RIMBP2: variants seen among roughly 807,000 people sequenced by gnomAD.
RIMBP2 encodes the protein RIMS binding protein 2.
RIMBP2 carries 48 observed loss-of-function variants against 118.6 expected under a neutral mutation model. The observed-to-expected ratio is 0.40, with a 90% CI of 0.32 to 0.51. The LOEUF is 0.51. RIMBP2 is among the 20% of genes least tolerant of loss of function. The probability of loss-of-function intolerance (pLI) is 0.41; values close to 1 mark genes in which losing one functional copy is unlikely to be tolerated. For synonymous variants in RIMBP2, 762 were observed against 742.9 expected, an observed-to-expected ratio of 1.03 and a Z score of -0.42; for missense variants, 1,551 against 1,768.3, an observed-to-expected ratio of 0.88 and a Z score of 2.20.
chr12:130,587,234 C>T (rs1276987587), intron 2 of RIMBP2, among the ~76,000 whole-genome samples: 2 of 141,238 alleles, frequency 1.4e-5, no homozygotes, highest in Admixed American at 7.1e-5. Flanking sequence ...GTTGGTGGGA[C>T]TGTAAACTAG....
At chr12:130,423,691 C>CCT (rs2076570410) in intron 16 of RIMBP2, among the ~76,000 whole-genome samples, 1 of 99,040 alleles carries the variant, frequency 1.0e-5, no homozygotes, top group Admixed American at 1.1e-4. Flanking sequence ...TTTCTTCAAT[C>CCT]TTTTTTTTTT....
chr12:130,494,377 A>G (rs4759481), intron 4 of RIMBP2, among the ~76,000 whole-genome samples: 150,342 of 152,258 alleles, frequency 0.99, 74,256 homozygotes, highest in East Asian at 1. Context: ...AGTGGCTCAT[A>G]CCTGTAATCC....
intron 2 of RIMBP2, among the ~76,000 whole-genome samples, chr12:130,604,875 C>T (rs2060094899): frequency 6.6e-6 from 1 of 151,438 alleles, no homozygotes; most frequent in South Asian, 2.1e-4. Context: ...AGCCACCGCG[C>T]CCGGCCTCTT....
chr12:130,559,906 C>T (rs886259341), intron 2 of RIMBP2, among the ~76,000 whole-genome samples: 6 of 152,222 alleles, frequency 3.9e-5, no homozygotes, highest in Non-Finnish European at 5.9e-5. Context: ...ACGGTAACAC[C>T]TGCCTCGAAG....
intron 5 of RIMBP2, among the ~76,000 whole-genome samples, chr12:130,472,594 G>A (rs2081099395): frequency 6.6e-6 from 1 of 152,222 alleles, no homozygotes; most frequent in Non-Finnish European, 1.5e-5. Context: ...ATTTCCTCTA[G>A]CTGCCTGGAG....
chr12:130,631,279 G>A (rs1409842360), intron 1 of RIMBP2, among the ~76,000 whole-genome samples: 2 of 152,286 alleles, frequency 1.3e-5, no homozygotes, highest in Admixed American at 1.3e-4. Flanking sequence ...TCACTAATTG[G>A]TGCTACCATT....
intron 2 of RIMBP2, among the ~76,000 whole-genome samples, chr12:130,550,062 G>C (rs539286255): frequency 1.3e-5 from 2 of 152,290 alleles, no homozygotes; most frequent in African/African-American, 4.8e-5. Flanking sequence ...ACAGGTGCGA[G>C]ATTGTATCTC....
At chr12:130,473,259 G>C (rs540495346) in intron 5 of RIMBP2, among the ~76,000 whole-genome samples, 1 of 152,330 alleles carries the variant, frequency 6.6e-6, no homozygotes, top group Admixed American at 6.5e-5. Context: ...CTTAAGCGAG[G>C]CTCATTTAGG....
chr12:130,434,804 T>C lies in RIMBP2; in HGVS notation c.2183A>G (p.Asp728Gly), dbSNP rs776241219. ...GCCCCTCCTCTTGAAGTCTGGAGAG[T>C]CATAGGCGTCCTCCTCGTCTGAGGC... ...YAASDEEDAYDSPDFKRRGAS... is the reference protein window; with the variant it reads ...YAASDEEDAYGSPDFKRRGAS... The change falls in exon 14 of 23, where the codon GAC (aspartate) becomes GGC (glycine). Residue 728 changes from aspartate (D) to glycine (G), a missense_variant. Asp to Gly is a moderately conservative substitution (Grantham distance 94). Around this residue, in one of 5 missense-constraint regions of RIMBP2, gnomAD observed 1,038 missense variants for 1,125.1 expected, o/e 0.92. Coordinates refer to ENST00000690449, the MANE Select transcript of RIMBP2 (RefSeq NM_001393629.1). The surrounding 1 kb of genome is among the most constrained non-coding windows in gnomAD (Gnocchi z 5.7). 18 of 1,613,322 alleles carry C rather than the reference T, an allele frequency of 1.1e-5. No individual in the cohort carries two copies. The highest frequency in any genetic ancestry group is 1.7e-5 in the Admixed American group (1 of 59,940).
chr12:130,442,867 C>T lies in RIMBP2; in HGVS notation c.692-207G>A, dbSNP rs553107984. Among the ~76,000 whole-genome samples the T allele has an allele frequency of 6.6e-6, 1 of 152,276 alleles. No individual in the cohort carries two copies. Among genetic ancestry groups the T allele is most frequent in the East Asian group, 1.9e-4 (1 of 5,182 alleles). ...AGCTCCTCCATCCCCGTGGCCCAGT[C>T]TTCTTTTCTCCATGATACTTATCGC... is the stretch of plus-strand genomic sequence containing the variant. On this transcript the variant is annotated intron_variant, in intron 10 of 22. Transcript: ENST00000690449. The surrounding 1 kb of genome is among the most constrained non-coding windows in gnomAD (Gnocchi z 6.9).
At chr12:130,567,681 G>C (rs1216509621) in intron 2 of RIMBP2, among the ~76,000 whole-genome samples, 1 of 152,172 alleles carries the variant, frequency 6.6e-6, no homozygotes, top group Admixed American at 6.5e-5. Flanking sequence ...ATCCCCCTGG[G>C]CATAGCAGCC....
At chr12:130,591,332 C>T (rs529877350) in intron 2 of RIMBP2, among the ~76,000 whole-genome samples, 7 of 152,116 alleles carry the variant, frequency 4.6e-5, no homozygotes, top group Non-Finnish European at 8.8e-5. Flanking sequence ...ACTTTGCCAT[C>T]GAGAGCAAAC....
chr12:130,651,365 G>A (rs2063224649), intron 1 of RIMBP2: 1 of 152,346 alleles, frequency 6.6e-6, no homozygotes, highest in African/African-American at 2.4e-5. Context: ...GCAGGGCGAT[G>A]GCGTTGAGGA....
intron 1 of RIMBP2, among the ~76,000 whole-genome samples, chr12:130,634,234 G>A (rs982827856): frequency 6.6e-6 from 1 of 152,184 alleles, no homozygotes; most frequent in African/African-American, 2.4e-5. Context: ...CCTTGGGAGC[G>A]GAGACGGGGA....
At chr12:130,700,410 A>C (rs1156389027) in intron 1 of RIMBP2, among the ~76,000 whole-genome samples, 4 of 152,032 alleles carry the variant, frequency 2.6e-5, no homozygotes, top group Non-Finnish European at 5.9e-5. Context: ...GAGACCTCAG[A>C]ATGGGACCTC....
Position 130,450,286 on chromosome 12 carries a change from A to G in RIMBP2, c.505-10T>C. ...TCCGTTCATTCTCCATCTGTGAAAA[A>G]GGCAATGGGTGTGTGGGTTATTGAA... is the stretch of plus-strand genomic sequence containing the variant. On this transcript the variant is annotated splice_polypyrimidine_tract_variant and intron_variant, in intron 8 of 22. Coordinates refer to ENST00000690449, the MANE Select transcript of RIMBP2 (RefSeq NM_001393629.1). The surrounding 1 kb of genome is among the most constrained non-coding windows in gnomAD (Gnocchi z 4.8). The G allele has an allele frequency of 1.3e-6, 2 of 1,597,722 alleles. No homozygotes were observed. The highest frequency in any genetic ancestry group is 8.6e-7 in the Non-Finnish European group (1 of 1,169,040).
chr12:130,428,262 C>T lies in RIMBP2; in HGVS notation c.2329G>A (p.Asp777Asn). 1.2e-6 allele frequency: 2 copies of T among 1,613,784 alleles called. No homozygotes were observed. The highest frequency in any genetic ancestry group is 1.7e-6 in the Non-Finnish European group (2 of 1,179,860). ...ATTTCAGAATACAGCTCCTCCTCGT[C>T]CTCCTCCATGATGTCTGAGAGGTCA... is the stretch of plus-strand genomic sequence containing the variant. ...GSDLSDIMEE[D>N]EEELYSEMQL... The change falls in exon 15 of 23, where the codon GAC becomes AAC. Residue 777 changes from aspartate to asparagine, a missense_variant. Transcript: ENST00000690449.
intron 2 of RIMBP2, among the ~76,000 whole-genome samples, chr12:130,551,593 C>G (rs1158537944): frequency 2.6e-5 from 4 of 151,894 alleles, no homozygotes; most frequent in Non-Finnish European, 5.9e-5. Flanking sequence ...GGCTGCTAGT[C>G]CAACAGTGAA....
chr12:130,607,122 G>A (rs1314811980), intron 2 of RIMBP2, among the ~76,000 whole-genome samples: 3 of 152,184 alleles, frequency 2.0e-5, no homozygotes, highest in East Asian at 3.9e-4. Context: ...GAGCCACCAC[G>A]GCCGGCCCAG....
Sources: allele counts gnomAD v4.1 joint callset (sites outside exome capture counted in the v4.1 genomes callset), GRCh38; gene constraint gnomAD v4.1.1; regional missense constraint gnomAD v4.1.1; non-coding constraint Gnocchi (gnomAD v3.1); transcripts MANE v1.5; gene names NCBI Gene and HGNC (gene_info 2026-07-23, HGNC 2026-07-21).